ESYT3: variants seen among roughly 807,000 people sequenced by gnomAD.
ESYT3 encodes extended synaptotagmin 3, also known as extended synaptotagmin-3.
In ESYT3, 101 loss-of-function variants were observed where a neutral mutation model predicts 111.5. That is an observed-to-expected ratio of 0.91 (90% confidence interval 0.77 to 1.07). The LOEUF (loss-of-function observed/expected upper bound fraction) is 1.07, where lower values mean the gene tolerates loss of function less well. Ranked by LOEUF, ESYT3 falls within the 50% of genes least tolerant of loss-of-function variation. ESYT3 has a pLI of 0.00. For synonymous variants in ESYT3, 416 were observed against 446.8 expected (o/e 0.93, Z 0.87); for missense variants, 1,097 against 1,109.4 (o/e 0.99, Z 0.16).
At chr3:138,475,071 A>G (rs1355970384) in intron 20 of ESYT3, among the ~76,000 whole-genome samples, 1 of 152,198 alleles carries the variant, frequency 6.6e-6, no homozygotes, top group African/African-American at 2.4e-5. Context: ...TCTAAGAACT[A>G]TTATGTTCCT....
intron 8 of ESYT3, among the ~76,000 whole-genome samples, chr3:138,464,119 T>C (rs2032795589): frequency 6.6e-6 from 1 of 152,004 alleles, no homozygotes; most frequent in Admixed American, 6.5e-5. Context: ...GCAGGGAGTG[T>C]GGAGGCCAGG....
In ESYT3 at chr3:138,474,212, C is replaced by A. The variant is rs2033378949; in HGVS notation, c.2337-9C>A. 1.9e-6 allele frequency: 3 copies of A among 1,598,122 alleles called. No individual in the cohort carries two copies. Among genetic ancestry groups the A allele is most frequent in the Non-Finnish European group, 2.6e-6 (3 of 1,173,070 alleles). On this transcript the variant is annotated splice_polypyrimidine_tract_variant and intron_variant, in intron 19 of 22. Coordinates refer to ENST00000389567, the MANE Select transcript of ESYT3 (RefSeq NM_031913.5). ...TTTTTTTTTCCTAATGTCTTTGACA[C>A]CAAATCAGAAACCTAACACCATGTA...
In ESYT3 at chr3:138,468,573, C is replaced by T. The variant is rs1223734497; in HGVS notation, c.1309-82C>T. On this transcript the variant is annotated intron_variant, in intron 12 of 22. Transcript: ENST00000389567. ...AGTGTGAAGGCTAGCTGGCTTTCTT[C>T]TGCCATGAGTAGGCTTCTCCAAAAT... 31 of 1,442,632 alleles carry T rather than the reference C, an allele frequency of 2.1e-5. No homozygotes were observed. In the East Asian group the frequency reaches 3.0e-4, roughly 14 times the overall value. 89.4% of individuals were successfully genotyped at this position (1,442,632 alleles called of 1,614,324 possible). A position where few individuals can be genotyped will look rare whatever the true frequency, so the allele number is the denominator to read the frequency against.
chr3:138,438,131 A>G (rs1212633098), intron 1 of ESYT3, among the ~76,000 whole-genome samples: 2 of 152,242 alleles, frequency 1.3e-5, no homozygotes, highest in Non-Finnish European at 2.9e-5. Context: ...GATTTTGGGC[A>G]TGGATGAATG....
At chr3:138,442,876 G>T (rs2031259309) in intron 1 of ESYT3, among the ~76,000 whole-genome samples, 1 of 152,150 alleles carries the variant, frequency 6.6e-6, no homozygotes, top group South Asian at 2.1e-4. Context: ...AGACACTTTT[G>T]CCCATTCACT....
chr3:138,438,543 A>G (rs1183392638), intron 1 of ESYT3, among the ~76,000 whole-genome samples: 3 of 152,210 alleles, frequency 2.0e-5, no homozygotes, highest in Admixed American at 6.5e-5. Flanking sequence ...CATCCAAGGC[A>G]GCCATCGTCA....
intron 10 of ESYT3, among the ~76,000 whole-genome samples, chr3:138,467,038 C>T (rs1465924901): frequency 6.6e-6 from 1 of 152,196 alleles, no homozygotes; most frequent in East Asian, 1.9e-4. Flanking sequence ...CACATTTCAA[C>T]ATGAGATTTG....
chr3:138,457,464 G>A (rs2032353844), intron 3 of ESYT3, 104 bp from the exon 4 acceptor site: 3 of 945,402 alleles, frequency 3.2e-6, no homozygotes. Flanking sequence ...TGGAAGTATG[G>A]TGGTCATGCT....
chr3:138,450,438 A>G (rs1330164459), intron 1 of ESYT3, among the ~76,000 whole-genome samples: 1 of 152,090 alleles, frequency 6.6e-6, no homozygotes. Context: ...TCCCGCATCG[A>G]TCTCTTCTAT....
At position 138,479,252 on chromosome 3, in the gene ESYT3, T is replaced by G. The variant is rs751250947; in HGVS notation, c.*2398T>G. 6.6e-6 allele frequency: 1 copy of G among 152,192 alleles called. No individual in the cohort carries two copies. Among genetic ancestry groups the G allele is most frequent in the Non-Finnish European group, 1.5e-5 (1 of 68,038 alleles). 9.4% of individuals were successfully genotyped at this position (152,192 alleles called of 1,614,324 possible). On this transcript the variant is annotated 3_prime_UTR_variant, in exon 23 of 23. Transcript: ENST00000389567. ...AATACATTGGCAAACCTAAGCAAGTTTTGATGATGATTGTTCACAAGATAT... is the reference window on the plus strand; with the variant it reads ...AATACATTGGCAAACCTAAGCAAGTGTTGATGATGATTGTTCACAAGATAT...
At chr3:138,470,388 G>T (rs2033158485) in intron 16 of ESYT3, 2 of 1,224,760 alleles carry the variant, frequency 1.6e-6, no homozygotes, top group South Asian at 4.5e-5. Flanking sequence ...CTGCAAAAGG[G>T]TCTTTATATT....
intron 6 of ESYT3, 61 bp downstream of exon 6, chr3:138,460,095 G>A: frequency 6.7e-7 from 1 of 1,482,282 alleles, no homozygotes; most frequent in Non-Finnish European, 9.4e-7. Context: ...GGTCTGCTGG[G>A]CCCTAGACAT....
chr3:138,435,685 C>T lies in ESYT3; in HGVS notation c.327+560C>T, dbSNP rs1553808808. On this transcript the variant is annotated intron_variant, in intron 1 of 22. Coordinates refer to ENST00000389567, the MANE Select transcript of ESYT3 (RefSeq NM_031913.5). The surrounding 1 kb of genome is among the most constrained non-coding windows in gnomAD (Gnocchi z 4.8). The stretch of plus-strand genomic sequence containing the variant: ...GCCGGGCCCCGGGCCTCCTTCCCTC[C>T]CTCCCTCCGCCGGATAGGGATGCCG... 2.9e-5 allele frequency among the ~76,000 whole-genome samples: 4 copies of T among 140,182 alleles called. No individual in the cohort carries two copies. In the South Asian group the frequency reaches 7.1e-4, roughly 25 times the overall value. The allele number at this position is 140,182 out of a possible 152,430, so 92.0% of individuals were successfully genotyped here.
chr3:138,471,010 T>C lies in ESYT3; in HGVS notation c.1724T>C (p.Met575Thr). 2 of 1,613,964 alleles carry C rather than the reference T, an allele frequency of 1.2e-6. No homozygotes were observed. Among genetic ancestry groups the C allele is most frequent in the South Asian group, 2.2e-5 (2 of 91,080 alleles). The change falls in exon 17 of 23, where the codon ATG (methionine) becomes ACG (threonine). Residue 575 changes from methionine (M) to threonine (T), a missense_variant. By Grantham distance (81) the Met-to-Thr change is moderately conservative. Coordinates refer to ENST00000389567, the MANE Select transcript of ESYT3 (RefSeq NM_031913.5). ...TCAGGCCTGGACAGCCTCATCTCCA[T>C]GAGGCTGGTGCTTCGGGTAAATCTC... is the stretch of plus-strand genomic sequence containing the variant. The part of the protein sequence containing the change: ...DHSGLDSLIS[M>T]RLVLRFLQVE...
rs778318367 is a variant in ESYT3, at chr3:138,459,257, G to A, written c.648+4G>A. On this transcript the variant is annotated splice_donor_region_variant and intron_variant, in intron 5 of 22. Transcript: ENST00000389567. ...GGCTGGTGTGAACGGGATCCAGGTG[G>A]GTGGAGCCCGGTGGGGCTGCCTCTG... 1 of 1,547,364 alleles carries A rather than the reference G, an allele frequency of 6.5e-7. No individual in the cohort carries two copies. The highest frequency in any genetic ancestry group is 8.8e-7 in the Non-Finnish European group (1 of 1,139,124).
At chr3:138,462,812 A>G (rs1188410025) in intron 8 of ESYT3, among the ~76,000 whole-genome samples, 1 of 152,048 alleles carries the variant, frequency 6.6e-6, no homozygotes, top group African/African-American at 2.4e-5. Flanking sequence ...ACAGGCGTGC[A>G]CTACCACGCC....
In ESYT3 at chr3:138,474,264, C is replaced by T. The variant is rs374857007; in HGVS notation, c.2380C>T (p.Arg794Cys). The change falls in exon 20 of 23, where the codon CGT becomes TGT. Residue 794 changes from arginine to cysteine, a missense_variant. Transcript: ENST00000389567. ...CAGCAGTGGAGCTGATCCCTACGTC[C>T]GTGTCTACTTGTTGCCAGAAAGGAA... ...CTSSGADPYV[R>C]VYLLPERKWA... is the part of the protein sequence containing the mutation. The T allele has an allele frequency of 2.4e-5, 39 of 1,613,620 alleles. No individual in the cohort carries two copies. The highest frequency in any genetic ancestry group is 3.2e-5 in the Non-Finnish European group (38 of 1,179,934).
chr3:138,472,834 C>G lies in ESYT3; in HGVS notation c.2212C>G (p.Leu738Val). ...LNSLASSCFD[L>V]ADISLNIEGG... The stretch of plus-strand genomic sequence containing the variant: ...CTCCTTGGCCTCTTCTTGCTTTGAC[C>G]TGGCAGATATCAGCCTCAACATTGA... Residue 738 changes from leucine (L) to valine (V), a missense_variant, in exon 18 of 23, where the codon CTG becomes GTG. Transcript: ENST00000389567. 2 of 1,614,070 alleles carry G rather than the reference C, an allele frequency of 1.2e-6. No homozygotes were observed. The highest frequency in any genetic ancestry group is 1.7e-6 in the Non-Finnish European group (2 of 1,179,978).
intron 1 of ESYT3, among the ~76,000 whole-genome samples, chr3:138,439,463 C>T (rs997120651): frequency 1.3e-5 from 2 of 152,208 alleles, no homozygotes; most frequent in African/African-American, 2.4e-5. Context: ...GCCCATCCTT[C>T]GTGCTCTGGG....
Sources: gnomAD v4.1 joint callset for allele counts (sites outside exome capture counted in the v4.1 genomes callset) on GRCh38, gnomAD v4.1.1 for gene constraint, Gnocchi (gnomAD v3.1) non-coding constraint, MANE v1.5 for transcripts, NCBI Gene and HGNC (gene_info 2026-07-23, HGNC 2026-07-21) for gene names.